MAP3K21: variants seen among roughly 807,000 people sequenced by gnomAD.
MAP3K21 encodes mitogen-activated protein kinase kinase kinase MLK4.
Under a neutral mutation model 86.1 loss-of-function variants are expected in MAP3K21, and 63 were observed. The ratio of observed to expected loss-of-function variants is 0.73; its 90% CI spans 0.60 to 0.90. The LOEUF (loss-of-function observed/expected upper bound fraction) is 0.90, where lower values mean the gene tolerates loss of function less well. Among genes scored for constraint, MAP3K21 ranks in the 40% least tolerant of loss-of-function variants. MAP3K21 has a pLI of 0.00. For synonymous variants in MAP3K21, 558 were observed against 564.8 expected (o/e 0.99, Z 0.17); for missense variants, 1,220 against 1,367.7 (o/e 0.89, Z 1.70).
intron 6 of MAP3K21, chr1:233,373,765 T>A (rs1427992541): frequency 6.6e-6 from 1 of 152,298 alleles, no homozygotes. Context: ...ACCATTAAGC[T>A]GACCCAAGTT....
At chr1:233,367,946 T>C (rs1196680420) in intron 5 of MAP3K21, among the ~76,000 whole-genome samples, 9 of 152,162 alleles carry the variant, frequency 5.9e-5, no homozygotes, top group Non-Finnish European at 5.9e-5. Flanking sequence ...TTTTGGAAGG[T>C]TGGAAGCACT....
chr1:233,383,779 T>G lies in MAP3K21; in HGVS notation c.*1068T>G, dbSNP rs945956249. ...AGAAGTTAAGTATGTTGTTGTTATT[T>G]CACATTTCATTTAATTGTGGATAAA... On this transcript the variant is annotated 3_prime_UTR_variant, in exon 10 of 10. Transcript: ENST00000366624. The G allele has an allele frequency of 6.6e-6, 1 of 152,218 alleles. No homozygotes were observed. Among genetic ancestry groups the G allele is most frequent in the African/African-American group, 2.4e-5 (1 of 41,464 alleles). The allele number at this position is 152,218 out of a possible 1,614,324, so 9.4% of individuals were successfully genotyped here.
Position 233,328,870 on chromosome 1 carries a change from T to A in MAP3K21, c.805+37T>A. 2 of 1,457,574 alleles carry A rather than the reference T, an allele frequency of 1.4e-6. No homozygotes were observed. The highest frequency in any genetic ancestry group is 1.8e-6 in the Non-Finnish European group (2 of 1,098,966). 90.3% of individuals were successfully genotyped at this position (1,457,574 alleles called of 1,614,324 possible). A position where few individuals can be genotyped will look rare whatever the true frequency, so the allele number is the denominator to read the frequency against. On this transcript the variant is annotated intron_variant, in intron 1 of 9. Coordinates refer to ENST00000366624, the MANE Select transcript of MAP3K21 (RefSeq NM_032435.3). This position sits in a 1 kb window ranked among gnomAD's most constrained non-coding sequence, Gnocchi z 8.7. ...CAGAGGGAGGTGGGGGAAGACTACC[T>A]CCGTGCCAGCCCAGGCGGGCTCCAC...
chr1:233,351,630 G>T (rs1400772083), intron 2 of MAP3K21, among the ~76,000 whole-genome samples: 1 of 151,944 alleles, frequency 6.6e-6, no homozygotes, highest in African/African-American at 2.4e-5. Flanking sequence ...GGAGGTGGCG[G>T]AGGTTGCAGT....
intron 4 of MAP3K21, among the ~76,000 whole-genome samples, chr1:233,356,310 T>C (rs1056593890): frequency 6.6e-6 from 1 of 152,220 alleles, no homozygotes; most frequent in African/African-American, 2.4e-5. Context: ...TGAACTATGC[T>C]TTTACATTCT....
intron 4 of MAP3K21, among the ~76,000 whole-genome samples, chr1:233,360,437 T>C (rs1448916997): frequency 6.6e-6 from 1 of 152,174 alleles, no homozygotes; most frequent in Non-Finnish European, 1.5e-5. Flanking sequence ...GATTTAAACA[T>C]CATTTGGTCT....
intron 6 of MAP3K21, 44 bp from the exon 7 acceptor site, chr1:233,375,872 A>T: frequency 6.6e-7 from 1 of 1,504,894 alleles, no homozygotes; most frequent in Non-Finnish European, 9.2e-7. Context: ...AATATTGGTT[A>T]ATATGATTGT....
chr1:233,347,597 G>A (rs1663172483), intron 2 of MAP3K21, among the ~76,000 whole-genome samples: 1 of 152,188 alleles, frequency 6.6e-6, no homozygotes, highest in African/African-American at 2.4e-5. Flanking sequence ...GATGCAGCTG[G>A]AGGCCATTAT....
chr1:233,334,479 G>T (rs1307786073), intron 1 of MAP3K21, among the ~76,000 whole-genome samples: 1 of 152,148 alleles, frequency 6.6e-6, no homozygotes, highest in Admixed American at 6.5e-5. Flanking sequence ...GGGAAAATCT[G>T]TTTAATGTTT....
At chr1:233,375,868 G>T in intron 6 of MAP3K21, 48 bp from the exon 7 acceptor site, 2 of 1,479,372 alleles carry the variant, frequency 1.4e-6, no homozygotes, top group Non-Finnish European at 1.9e-6. Flanking sequence ...AGCCAATATT[G>T]GTTAATATGA....
At chr1:233,373,263 C>T (rs1663723298) in intron 6 of MAP3K21, 1 of 152,202 alleles carries the variant, frequency 6.6e-6, no homozygotes, top group African/African-American at 2.4e-5. Context: ...GCTGGTCTCC[C>T]AGCTCCACGA....
rs1309155530 is a variant in MAP3K21, at chr1:233,376,360, G to A, written c.1827-70G>A. The A allele has an allele frequency of 7.2e-6, 8 of 1,107,882 alleles. 1 individual carries two copies. Among genetic ancestry groups the A allele is most frequent in the Non-Finnish European group, 1.1e-5 (8 of 732,326 alleles). The allele number at this position is 1,107,882 out of a possible 1,614,324, so 68.6% of individuals were successfully genotyped here. Reference sequence around the variant, plus strand: ...ACTACCTTAAAAATATTGTTGGTCTGTATCCACCAAAACCTAATTGGTGTG... The same window carrying A: ...ACTACCTTAAAAATATTGTTGGTCTATATCCACCAAAACCTAATTGGTGTG... On this transcript the variant is annotated intron_variant, in intron 7 of 9. Coordinates refer to ENST00000366624, the MANE Select transcript of MAP3K21 (RefSeq NM_032435.3).
chr1:233,359,673 C>T (rs570255478), intron 4 of MAP3K21, among the ~76,000 whole-genome samples: 3 of 152,300 alleles, frequency 2.0e-5, no homozygotes, highest in South Asian at 2.1e-4. Context: ...TGTGACCCCC[C>T]ACACAGAGGC....
At chr1:233,380,888 C>T (rs1026266623) in intron 9 of MAP3K21, among the ~76,000 whole-genome samples, 15 of 152,264 alleles carry the variant, frequency 9.9e-5, no homozygotes, top group Middle Eastern at 3.4e-3. Flanking sequence ...CTCCTCACTG[C>T]GGTATTTTTT....
At chr1:233,333,487 A>T (rs1396226091) in intron 1 of MAP3K21, among the ~76,000 whole-genome samples, 1 of 152,080 alleles carries the variant, frequency 6.6e-6, no homozygotes, top group Non-Finnish European at 1.5e-5. Flanking sequence ...GCTCATACCT[A>T]TCTATCATCC....
rs181398349 is a variant in MAP3K21, at chr1:233,384,833, A to G, written c.*2122A>G. Reference sequence around the variant, plus strand: ...ATGATGAATTTCAAAATGAAGCTGTATTAAAATAATTGTAATATAACAATT... The same window carrying G: ...ATGATGAATTTCAAAATGAAGCTGTGTTAAAATAATTGTAATATAACAATT... On this transcript the variant is annotated 3_prime_UTR_variant, in exon 10 of 10. Coordinates refer to ENST00000366624, the MANE Select transcript of MAP3K21 (RefSeq NM_032435.3). 2 of 152,354 alleles carry G rather than the reference A, an allele frequency of 1.3e-5. No individual in the cohort carries two copies. The highest frequency in any genetic ancestry group is 1.3e-4 in the Admixed American group (2 of 15,306). 9.4% of individuals were successfully genotyped at this position (152,354 alleles called of 1,614,324 possible). A position where few individuals can be genotyped will look rare whatever the true frequency, so the allele number is the denominator to read the frequency against.
At chr1:233,354,795 G>C (rs1663317555) in intron 3 of MAP3K21, 41 bp from the exon 4 acceptor site, 1 of 1,443,512 alleles carries the variant, frequency 6.9e-7, no homozygotes, top group Admixed American at 2.1e-5. Context: ...ACTCTAAACT[G>C]CGTTGAGAGA....
chr1:233,353,251 G>C (rs563482510), intron 2 of MAP3K21, among the ~76,000 whole-genome samples: 35 of 152,270 alleles, frequency 2.3e-4, no homozygotes, highest in African/African-American at 8.4e-4. Flanking sequence ...GTTCTTTACT[G>C]TTCAGCAATA....
chr1:233,346,284 G>C (rs570291517), intron 1 of MAP3K21, among the ~76,000 whole-genome samples, 158 bp from the exon 2 acceptor site: 1 of 152,238 alleles, frequency 6.6e-6, no homozygotes, highest in African/African-American at 2.4e-5. Context: ...ACCCACTAAA[G>C]ACTACAAAAT....
Sources: allele counts gnomAD v4.1 joint callset (sites outside exome capture counted in the v4.1 genomes callset), GRCh38; gene constraint gnomAD v4.1.1; non-coding constraint Gnocchi (gnomAD v3.1); transcripts MANE v1.5; gene names NCBI Gene and HGNC (gene_info 2026-07-23, HGNC 2026-07-21).